The following BANP variants were observed in gnomAD, a reference collection of about 807,000 sequenced individuals.
BANP encodes the protein protein BANP.
BANP carries 11 observed loss-of-function variants against 68.1 expected under a neutral mutation model. The observed-to-expected ratio is 0.16, with a 90% CI of 0.10 to 0.27. The LOEUF (loss-of-function observed/expected upper bound fraction) is 0.27, where lower values mean the gene tolerates loss of function less well. Among genes scored for constraint, BANP ranks in the 10% least tolerant of loss-of-function variants. The pLI is 1.00. For missense variants in BANP, 504 were observed against 722.7 expected, an observed-to-expected ratio of 0.70 and a Z score of 3.47; for synonymous variants, 329 against 303.2, an observed-to-expected ratio of 1.09 and a Z score of -0.88.
rs547064796 is a variant in BANP at position 88,066,134 on chromosome 16, C to T, written c.1377+802C>T. 2.6e-5 allele frequency among the ~76,000 whole-genome samples: 4 copies of T among 152,356 alleles called. No homozygotes were observed. In the East Asian group the frequency reaches 5.8e-4, roughly 22 times the overall value. On this transcript the variant is annotated intron_variant, in intron 12 of 13. Transcript: ENST00000682872. ...GGGCAGACGGGGCTTCTCCCAGACA[C>T]GTTCCTTAGAGCACCGAGGGCTCCA...
intron 7 of BANP, among the ~76,000 whole-genome samples, chr16:88,023,423 T>C (rs1598546592): frequency 6.6e-6 from 1 of 151,862 alleles, no homozygotes; most frequent in South Asian, 2.1e-4. Flanking sequence ...TGTGTATGCT[T>C]CCCCCGGGAG....
At chr16:87,976,563 G>A (rs1398497789) in intron 2 of BANP, among the ~76,000 whole-genome samples, 1 of 145,898 alleles carries the variant, frequency 6.9e-6, no homozygotes, top group African/African-American at 2.6e-5. Flanking sequence ...AAGTCACTGA[G>A]TGTTTCAGTT....
At position 88,035,478 on chromosome 16, in the gene BANP, G is replaced by A. The variant is rs1158785203; in HGVS notation, c.1272+84G>A. The A allele has an allele frequency of 5.4e-6, 7 of 1,299,068 alleles. No homozygotes were observed. In the Admixed American group the frequency reaches 1.2e-4, roughly 23 times the overall value. The allele number at this position is 1,299,068 out of a possible 1,614,324, so 80.5% of individuals were successfully genotyped here. On this transcript the variant is annotated intron_variant, in intron 10 of 13. Coordinates refer to ENST00000682872, the MANE Select transcript of BANP (RefSeq NM_001386991.1). The stretch of plus-strand genomic sequence containing the variant: ...CCTTCATCGGTGTCACAGTGCGAGG[G>A]CAGCAGGGAGCCCCCAGGACAGGGA...
chr16:87,989,262 C>T (rs2065255518), intron 4 of BANP, among the ~76,000 whole-genome samples: 3 of 152,294 alleles, frequency 2.0e-5, no homozygotes, highest in South Asian at 4.1e-4. Context: ...TTATTTTCTT[C>T]CTGCAGGTGC....
chr16:88,049,278 G>A (rs1169112017), intron 11 of BANP, among the ~76,000 whole-genome samples: 1 of 152,164 alleles, frequency 6.6e-6, no homozygotes, highest in Non-Finnish European at 1.5e-5. Context: ...GGCTTGCAGA[G>A]CTCAGGGAAG....
At chr16:87,986,709 T>G (rs1333651464) in intron 4 of BANP, among the ~76,000 whole-genome samples, 2 of 152,182 alleles carry the variant, frequency 1.3e-5, no homozygotes, top group African/African-American at 4.8e-5. Context: ...TCCCCCATGC[T>G]TCCCTCTGCT....
intron 1 of BANP, among the ~76,000 whole-genome samples, chr16:87,961,672 A>G (rs533961730): frequency 6.6e-6 from 1 of 152,306 alleles, no homozygotes; most frequent in African/African-American, 2.4e-5. Context: ...TTTTGTATGT[A>G]CCATGAATGT....
rs960155805 is a variant in BANP at position 88,076,759 on chromosome 16, C to G, written c.*98C>G. 3 of 1,016,726 alleles carry G rather than the reference C, an allele frequency of 3.0e-6. No individual in the cohort carries two copies. Among genetic ancestry groups the G allele is most frequent in the Non-Finnish European group, 4.2e-6 (3 of 709,322 alleles). 63.0% of individuals were successfully genotyped at this position (1,016,726 alleles called of 1,614,324 possible). ...GGCCTCGGCACAGGCAGCGGCTGCA[C>G]GTGTTCTGCTGAAGTGCGTCTGAAG... is the stretch of plus-strand genomic sequence containing the variant. On this transcript the variant is annotated 3_prime_UTR_variant, in exon 14 of 14. Transcript: ENST00000682872.
intron 4 of BANP, among the ~76,000 whole-genome samples, chr16:87,992,110 C>A (rs1038954215): frequency 6.6e-6 from 1 of 152,178 alleles, no homozygotes; most frequent in Non-Finnish European, 1.5e-5. Flanking sequence ...TCTGTATCTT[C>A]CGAGATGATG....
Position 88,071,697 on chromosome 16 carries a change from C to T in BANP, c.1378-372C>T, listed in dbSNP as rs373318292. 30 of 496,056 alleles carry T rather than the reference C, an allele frequency of 6.0e-5. No homozygotes were observed. Among genetic ancestry groups the T allele is most frequent in the Middle Eastern group, 6.1e-4 (2 of 3,298 alleles). 30.7% of individuals were successfully genotyped at this position (496,056 alleles called of 1,614,324 possible). Reference sequence around the variant, plus strand: ...TTAGGCCTCAGTGGCACTCTGGGAGCGCTTGTGCTCTTCATGGTTGCCACT... The same window carrying T: ...TTAGGCCTCAGTGGCACTCTGGGAGTGCTTGTGCTCTTCATGGTTGCCACT... On this transcript the variant is annotated intron_variant, in intron 12 of 13. Coordinates refer to ENST00000682872, the MANE Select transcript of BANP (RefSeq NM_001386991.1). The surrounding 1 kb of genome is among the most constrained non-coding windows in gnomAD (Gnocchi z 6.5).
chr16:87,971,150 T>C (rs924908288), intron 1 of BANP, among the ~76,000 whole-genome samples: 2 of 152,270 alleles, frequency 1.3e-5, no homozygotes, highest in African/African-American at 4.8e-5. Context: ...TTGTGAACAT[T>C]GTAACATTGG....
intron 11 of BANP, among the ~76,000 whole-genome samples, chr16:88,062,814 G>A (rs941032276): frequency 3.3e-5 from 5 of 152,154 alleles, no homozygotes; most frequent in African/African-American, 1.2e-4. Flanking sequence ...GTCGGAATTC[G>A]GCCCAGCCTG....
intron 1 of BANP, chr16:87,956,802 A>G (rs1373058157): frequency 6.6e-6 from 1 of 152,142 alleles, no homozygotes; most frequent in African/African-American, 2.4e-5. Flanking sequence ...CCCCTTTGGA[A>G]GAGACGATGT....
chr16:88,025,238 C>T (rs1460772052), intron 7 of BANP, among the ~76,000 whole-genome samples: 1 of 152,142 alleles, frequency 6.6e-6, no homozygotes, highest in African/African-American at 2.4e-5. Flanking sequence ...CTGGGTTTTC[C>T]GGTAACTATG....
chr16:87,990,675 T>G (rs1488536915), intron 4 of BANP, among the ~76,000 whole-genome samples: 2 of 152,222 alleles, frequency 1.3e-5, no homozygotes, highest in South Asian at 2.1e-4. Flanking sequence ...TAATATTGAA[T>G]TTTGGTTGCT....
chr16:88,062,691 G>A (rs934907613), intron 11 of BANP, among the ~76,000 whole-genome samples: 9 of 152,218 alleles, frequency 5.9e-5, no homozygotes, highest in South Asian at 4.1e-4. Context: ...TCCAATGAGC[G>A]GCTTCTGCAT....
intron 8 of BANP, among the ~76,000 whole-genome samples, chr16:88,031,206 A>G (rs942535402): frequency 3.3e-5 from 5 of 152,320 alleles, no homozygotes; most frequent in African/African-American, 4.8e-5. Flanking sequence ...GGAGGTGCTC[A>G]GGTGGAGTCA....
At chr16:88,049,815 C>T (rs1044900489) in intron 11 of BANP, among the ~76,000 whole-genome samples, 2 of 152,218 alleles carry the variant, frequency 1.3e-5, no homozygotes, top group South Asian at 4.1e-4. Flanking sequence ...CCCAGCCACA[C>T]GGCATCCGAC....
In BANP at chr16:87,975,146, G is replaced by C. The variant is rs756757609; in HGVS notation, c.31G>C (p.Val11Leu). The C allele has an allele frequency of 6.2e-7, 1 of 1,614,172 alleles. No individual in the cohort carries two copies. The highest frequency in any genetic ancestry group is 8.5e-7 in the Non-Finnish European group (1 of 1,180,020). The change falls in exon 2 of 14, where the codon GTT becomes CTT. Residue 11 changes from valine to leucine, a missense_variant. Val to Leu is a conservative substitution (Grantham distance 32). Transcript: ENST00000682872. ...GTCGGAACACGACCTGGCCGATGTG[G>C]TTCAGATTGCAGTGGAAGACCTGAG... MMSEHDLADV[V>L]QIAVEDLSPD... is the part of the protein sequence containing the mutation.
Sources: gnomAD v4.1 joint callset for allele counts (sites outside exome capture counted in the v4.1 genomes callset) on GRCh38, gnomAD v4.1.1 for gene constraint, Gnocchi (gnomAD v3.1) non-coding constraint, MANE v1.5 for transcripts, NCBI Gene and HGNC (gene_info 2026-07-23, HGNC 2026-07-21) for gene names.